The following MACROD2 variants were observed in gnomAD, a reference collection of about 807,000 sequenced individuals.
The protein encoded by MACROD2 is ADP-ribose glycohydrolase MACROD2.
MACROD2 carries 36 observed loss-of-function variants against 70.4 expected under a neutral mutation model. That is an observed-to-expected ratio of 0.51 (90% CI 0.39 to 0.68). MACROD2 has a LOEUF of 0.68. Among genes scored for constraint, MACROD2 ranks in the 30% least tolerant of loss-of-function variants. The probability of loss-of-function intolerance (pLI) is 0.00; values close to 1 mark genes in which losing one functional copy is unlikely to be tolerated. For missense variants in MACROD2, 496 were observed against 538.4 expected, an observed-to-expected ratio of 0.92 and a Z score of 0.78; for synonymous variants, 172 against 178.8, an observed-to-expected ratio of 0.96 and a Z score of 0.30.
chr20:14,812,797 T>A (rs1174977627), intron 5 of MACROD2, among the ~76,000 whole-genome samples: 2 of 151,990 alleles, frequency 1.3e-5, no homozygotes, highest in African/African-American at 2.4e-5. Context: ...CAAGTGGGTG[T>A]AATTCACTTC....
chr20:14,863,417 C>T (rs753031428), intron 5 of MACROD2, among the ~76,000 whole-genome samples: 4 of 152,110 alleles, frequency 2.6e-5, no homozygotes, highest in Non-Finnish European at 4.4e-5. Context: ...AGGAACGATT[C>T]TTACAGGTGT....
chr20:14,887,678 G>C (rs1048850511), intron 5 of MACROD2, among the ~76,000 whole-genome samples: 6 of 152,146 alleles, frequency 3.9e-5, no homozygotes, highest in African/African-American at 1.4e-4. Context: ...GTGAGCCACC[G>C]TGGCTGGCCA....
chr20:14,083,437 AT>A (rs1449662475), intron 2 of MACROD2, among the ~76,000 whole-genome samples: 7 of 151,952 alleles, frequency 4.6e-5, no homozygotes, highest in African/African-American at 9.6e-5. Context: ...AAAAAAAAAA[AT>A]GATTGTGTTT....
intron 5 of MACROD2, among the ~76,000 whole-genome samples, chr20:15,058,098 C>T (rs73897240): frequency 0.085 from 13,001 of 152,096 alleles, 634 homozygotes; most frequent in Middle Eastern, 0.17. Context: ...TGCTATGGAC[C>T]GGCTGCTCGA....
chr20:14,973,142 C>T (rs1014034321), intron 5 of MACROD2, among the ~76,000 whole-genome samples: 1 of 151,586 alleles, frequency 6.6e-6, no homozygotes, highest in South Asian at 2.1e-4. Flanking sequence ...TTTGGTCAAC[C>T]ATCTGAAGTT....
intron 3 of MACROD2, among the ~76,000 whole-genome samples, chr20:14,462,715 G>C (rs1382620928): frequency 6.6e-6 from 1 of 152,086 alleles, no homozygotes; most frequent in African/African-American, 2.4e-5. Context: ...TTTTGTATAA[G>C]TTGTAAGGAA....
chr20:14,646,113 C>G (rs569268539), intron 4 of MACROD2, among the ~76,000 whole-genome samples: 51 of 149,268 alleles, frequency 3.4e-4, no homozygotes, highest in Admixed American at 1.7e-3. Context: ...ATATTTTATA[C>G]TAAGTAAATA....
intron 3 of MACROD2, among the ~76,000 whole-genome samples, chr20:14,445,693 A>G (rs2084174889): frequency 6.6e-6 from 1 of 152,142 alleles, no homozygotes; most frequent in East Asian, 1.9e-4. Context: ...CCTTTTTAAA[A>G]TTTCAGTGCT....
chr20:14,815,227 G>A (rs187095790), intron 5 of MACROD2, among the ~76,000 whole-genome samples: 1 of 152,008 alleles, frequency 6.6e-6, no homozygotes, highest in Non-Finnish European at 1.5e-5. Flanking sequence ...CTGGAGATAA[G>A]TTGTGTCTAG....
At chr20:14,720,540 T>A (rs1291756755) in intron 5 of MACROD2, among the ~76,000 whole-genome samples, 3 of 37,332 alleles carry the variant, frequency 8.0e-5, no homozygotes, top group Admixed American at 5.9e-4. Context: ...CCACAACTTT[T>A]TTTTTTTTTT....
chr20:14,428,291 T>C (rs926868228), intron 3 of MACROD2, among the ~76,000 whole-genome samples: 5 of 152,086 alleles, frequency 3.3e-5, no homozygotes, highest in African/African-American at 1.2e-4. Flanking sequence ...ATGACAGTAG[T>C]GCTATTAACA....
At chr20:16,024,636 G>C (rs868793280) in intron 15 of MACROD2, among the ~76,000 whole-genome samples, 3 of 152,032 alleles carry the variant, frequency 2.0e-5, no homozygotes, top group Non-Finnish European at 4.4e-5. Flanking sequence ...CTACAACCAC[G>C]CAAATGATCA....
intron 9 of MACROD2, among the ~76,000 whole-genome samples, chr20:15,877,464 T>A (rs1447734522): frequency 6.6e-6 from 1 of 151,872 alleles, no homozygotes; most frequent in Non-Finnish European, 1.5e-5. Flanking sequence ...CCCTTTTTTT[T>A]AAAAGAACAA....
chr20:14,640,777 A>C (rs1171229203), intron 4 of MACROD2, among the ~76,000 whole-genome samples: 1 of 152,232 alleles, frequency 6.6e-6, no homozygotes, highest in Non-Finnish European at 1.5e-5. Context: ...TACAATGTAA[A>C]TACCTTAATT....
chr20:14,852,667 T>C (rs1371534961), intron 5 of MACROD2, among the ~76,000 whole-genome samples: 5 of 152,144 alleles, frequency 3.3e-5, no homozygotes, highest in Non-Finnish European at 5.9e-5. Context: ...ACAGGACCCC[T>C]GCACCTTTGT....
intron 4 of MACROD2, among the ~76,000 whole-genome samples, chr20:14,544,382 TA>T (rs1178651772): frequency 2.0e-5 from 3 of 152,136 alleles, no homozygotes. Flanking sequence ...CTAATCTTAT[TA>T]ATTCAGTGAT....
At position 15,704,098 on chromosome 20, in the gene MACROD2, CT is replaced by C. The variant is rs372098349; in HGVS notation, c.646-158643del. On this transcript the variant is annotated intron_variant, in intron 8 of 17. Transcript: ENST00000684519. ...CTAACCCCTCCTACTCTAGTCAGGG[CT>C]TTTGCCTTTGCTATTGTTTTCCTAT... Among the ~76,000 whole-genome samples, 326 of 152,190 alleles carry C rather than the reference CT, an allele frequency of 2.1e-3. 3 individuals are homozygous for C. The highest frequency in any genetic ancestry group is 7.2e-3 in the African/African-American group (297 of 41,520).
intron 5 of MACROD2, among the ~76,000 whole-genome samples, chr20:14,711,743 C>T (rs1241327385): frequency 6.6e-6 from 1 of 152,154 alleles, no homozygotes; most frequent in African/African-American, 2.4e-5. Flanking sequence ...TTCCAATTGA[C>T]TTATAGAAAC....
chr20:14,702,601 GTATATATATGTGTA>G lies in MACROD2; in HGVS notation c.418+17652_418+17665del, dbSNP rs1329018424. 0.035 allele frequency among the ~76,000 whole-genome samples: 28 copies of G among 810 alleles called. 2 individuals carry two copies. In the East Asian group the frequency reaches 0.45, roughly 13 times the overall value. The allele number at this position is 810 out of a possible 152,430, so 0.5% of individuals were successfully genotyped here. On this transcript the variant is annotated intron_variant, in intron 5 of 17. Transcript: ENST00000684519. The stretch of plus-strand genomic sequence containing the variant: ...TGTATATATATGTATATATATGTGT[GTATATATATGTGTA>G]TATATATATACATATATATATGTAT...
Sources: gnomAD v4.1 joint callset for allele counts (sites outside exome capture counted in the v4.1 genomes callset) on GRCh38, gnomAD v4.1.1 for gene constraint, MANE v1.5 for transcripts, NCBI Gene and HGNC (gene_info 2026-07-23, HGNC 2026-07-21) for gene names.